The following MTUS2 variants were observed in gnomAD, a reference collection of about 807,000 sequenced individuals.
MTUS2 encodes the protein microtubule-associated tumor suppressor candidate 2.
Under a neutral mutation model 114.1 loss-of-function variants are expected in MTUS2, and 40 were observed. The ratio of observed to expected loss-of-function variants is 0.35; its 90% CI spans 0.27 to 0.46. MTUS2 has a LOEUF of 0.46. MTUS2 is among the 20% of genes least tolerant of loss of function. The pLI is 1.00. For synonymous variants in MTUS2, 688 were observed against 672.0 expected (o/e 1.02, Z -0.37); for missense variants, 1,679 against 1,705.4 (o/e 0.98, Z 0.27).
At chr13:29,314,520 C>T (rs1899906639) in intron 6 of MTUS2, among the ~76,000 whole-genome samples, 4 of 151,830 alleles carry the variant, frequency 2.6e-5, no homozygotes, top group Admixed American at 6.6e-5. Context: ...TGGAAGGGAG[C>T]CTGCAGAGAA....
rs1593360804 is a variant in MTUS2 at position 28,990,298 on chromosome 13, C to T, written c.-242-34159C>T. Among the ~76,000 whole-genome samples the T allele has an allele frequency of 3.9e-5, 6 of 152,234 alleles. 1 individual carries two copies. Among genetic ancestry groups the T allele is most frequent in the Admixed American group, 3.9e-4 (6 of 15,294 alleles). On this transcript the variant is annotated intron_variant, in intron 2 of 15. Transcript: ENST00000612955. Reference sequence around the variant, plus strand: ...GGGGATGGTATTGGCAAGTTCAGTCCTGGTTGGAGAGTGAAGGACTTTACA... The same window carrying T: ...GGGGATGGTATTGGCAAGTTCAGTCTTGGTTGGAGAGTGAAGGACTTTACA...
intron 7 of MTUS2, among the ~76,000 whole-genome samples, chr13:29,338,522 G>A (rs958334523): frequency 1.3e-5 from 2 of 152,110 alleles, no homozygotes; most frequent in African/African-American, 2.4e-5. Flanking sequence ...CCGGGGAGGC[G>A]GAGGTTGCAG....
chr13:29,102,515 C>G (rs1890464450), intron 5 of MTUS2, among the ~76,000 whole-genome samples: 1 of 152,092 alleles, frequency 6.6e-6, no homozygotes, highest in Non-Finnish European at 1.5e-5. Flanking sequence ...AGAGAGGGAC[C>G]CCTGAGCACC....
Position 29,393,378 on chromosome 13 carries a change from C to T in MTUS2, c.3117+33905C>T, listed in dbSNP as rs375271275. On this transcript the variant is annotated intron_variant, in intron 8 of 15. Coordinates refer to ENST00000612955, the MANE Select transcript of MTUS2 (RefSeq NM_001033602.4). ...CCATTTCCCAGCTCCCAAGTGGAAC[C>T]ATTACCTTTAAAAACTTTTACTTTA... Among the ~76,000 whole-genome samples, 7 of 152,278 alleles carry T rather than the reference C, an allele frequency of 4.6e-5. No individual in the cohort carries two copies. In the East Asian group the frequency reaches 7.7e-4, roughly 17 times the overall value.
rs529559020 is a variant in MTUS2, at chr13:29,503,157, C to T, written c.4061C>T (p.Ser1354Phe). ...LSPTSPVYRGSSSGPSSPARV... is the reference protein window; with the variant it reads ...LSPTSPVYRGFSSGPSSPARV... Reference sequence around the variant, plus strand: ...CCCACATCTCCCGTTTACCGCGGCTCCTCCTCGGGGCCCTCCTCTCCGGCC... The same window carrying T: ...CCCACATCTCCCGTTTACCGCGGCTTCTCCTCGGGGCCCTCCTCTCCGGCC... Residue 1354 changes from serine to phenylalanine, a missense_variant, in exon 16 of 16, where the codon TCC (serine) becomes TTC (phenylalanine). This residue lies in a region of MTUS2 where 822 missense variants were observed against 899.7 expected (regional missense o/e 0.91). Transcript: ENST00000612955. 1 of 1,614,218 alleles carries T rather than the reference C, an allele frequency of 6.2e-7. No homozygotes were observed. The highest frequency in any genetic ancestry group is 1.3e-5 in the African/African-American group (1 of 75,066).
At chr13:28,964,739 C>CTTTTTTTTTTTTTTTTTTTTTTTTTT (rs771989715) in intron 2 of MTUS2, among the ~76,000 whole-genome samples, 2 of 147,082 alleles carry the variant, frequency 1.4e-5, no homozygotes, top group Non-Finnish European at 3.0e-5. Context: ...GTACAAGAAG[C>CTTTTTTTTTTTTTTTTTTTTTTTTTT]TTTTTTGTGT....
intron 2 of MTUS2, among the ~76,000 whole-genome samples, chr13:28,849,177 C>T (rs1047197562): frequency 1.2e-4 from 19 of 152,174 alleles, no homozygotes; most frequent in Admixed American, 7.9e-4. Flanking sequence ...GCATATATTC[C>T]TGAAGATAGT....
intron 5 of MTUS2, among the ~76,000 whole-genome samples, chr13:29,272,202 A>C (rs756947172): frequency 6.6e-6 from 1 of 152,228 alleles, no homozygotes; most frequent in Non-Finnish European, 1.5e-5. Flanking sequence ...TAATTAAACT[A>C]AATATTATCA....
chr13:29,493,286 C>T (rs1440706871), intron 12 of MTUS2, among the ~76,000 whole-genome samples: 1 of 152,144 alleles, frequency 6.6e-6, no homozygotes, highest in Non-Finnish European at 1.5e-5. Context: ...GCAGGTGTCC[C>T]AGATCACCTG....
intron 5 of MTUS2, among the ~76,000 whole-genome samples, chr13:29,224,034 A>C (rs1411925812): frequency 6.6e-6 from 1 of 152,188 alleles, no homozygotes; most frequent in East Asian, 1.9e-4. Context: ...TCTCTCACTC[A>C]CACATTCCTT....
chr13:29,413,192 G>A (rs986607343), intron 8 of MTUS2, among the ~76,000 whole-genome samples: 1 of 152,144 alleles, frequency 6.6e-6, no homozygotes, highest in Admixed American at 6.6e-5. Flanking sequence ...AGGTTCTGGG[G>A]ATTCAGACTT....
At chr13:29,435,744 A>T (rs760811979) in intron 8 of MTUS2, among the ~76,000 whole-genome samples, 1 of 152,238 alleles carries the variant, frequency 6.6e-6, no homozygotes, top group Non-Finnish European at 1.5e-5. Context: ...AAAGTAACTT[A>T]CTTTATGCAG....
intron 2 of MTUS2, among the ~76,000 whole-genome samples, chr13:28,844,378 T>C (rs2138000165): frequency 6.6e-6 from 1 of 152,354 alleles, no homozygotes. Flanking sequence ...TTCATTGTAC[T>C]TAGCGTCCAG....
intron 5 of MTUS2, among the ~76,000 whole-genome samples, chr13:29,163,425 A>C (rs1893183702): frequency 2.0e-5 from 3 of 152,088 alleles, no homozygotes. Context: ...TACTTTTTCC[A>C]CTTGGTTCAA....
intron 5 of MTUS2, among the ~76,000 whole-genome samples, chr13:29,125,977 G>A (rs796400447): frequency 6.6e-6 from 1 of 152,140 alleles, no homozygotes; most frequent in African/African-American, 2.4e-5. Flanking sequence ...AGCCATAATT[G>A]GGGATTCTCT....
chr13:29,197,921 G>T (rs1023512198), intron 5 of MTUS2, among the ~76,000 whole-genome samples: 1 of 152,154 alleles, frequency 6.6e-6, no homozygotes, highest in Non-Finnish European at 1.5e-5. Flanking sequence ...TTGTAAATTT[G>T]TTTAAGTTTC....
At chr13:29,108,121 G>C (rs1300608080) in intron 5 of MTUS2, among the ~76,000 whole-genome samples, 1 of 152,146 alleles carries the variant, frequency 6.6e-6, no homozygotes. Context: ...AATAAGATCA[G>C]GGTTGACAAG....
chr13:29,061,433 C>T (rs575187877), intron 4 of MTUS2, among the ~76,000 whole-genome samples: 2 of 152,270 alleles, frequency 1.3e-5, no homozygotes, highest in African/African-American at 4.8e-5. Flanking sequence ...GTTCTTTCCT[C>T]AAAAGTTGTT....
chr13:29,272,439 C>T (rs1257190628), intron 5 of MTUS2, among the ~76,000 whole-genome samples: 1 of 152,190 alleles, frequency 6.6e-6, no homozygotes, highest in Non-Finnish European at 1.5e-5. Context: ...CTGCAGCCTT[C>T]CTCTTCCTTG....
Sources: allele counts gnomAD v4.1 joint callset (sites outside exome capture counted in the v4.1 genomes callset), GRCh38; gene constraint gnomAD v4.1.1; regional missense constraint gnomAD v4.1.1; transcripts MANE v1.5; gene names NCBI Gene and HGNC (gene_info 2026-07-23, HGNC 2026-07-21).